Variants in PHF14 observed in about 807,000 individuals in gnomAD.
PHF14 encodes PHD finger protein 14.
In PHF14, 55 loss-of-function variants were observed where a neutral mutation model predicts 117.9. The ratio of observed to expected loss-of-function variants is 0.47; its 90% CI spans 0.38 to 0.58. The LOEUF (loss-of-function observed/expected upper bound fraction) is 0.58, where lower values mean the gene tolerates loss of function less well. PHF14 is among the 20% of genes least tolerant of loss of function. The pLI, the probability that PHF14 is intolerant of heterozygous loss-of-function variation, is 0.00. For missense variants in PHF14, 978 were observed against 1,122.2 expected, an observed-to-expected ratio of 0.87 and a Z score of 1.84; for synonymous variants, 409 against 368.6, an observed-to-expected ratio of 1.11 and a Z score of -1.26.
At chr7:10,985,057 T>A (rs1384077326) in intron 3 of PHF14, among the ~76,000 whole-genome samples, 1 of 152,198 alleles carries the variant, frequency 6.6e-6, no homozygotes, top group Non-Finnish European at 1.5e-5. Context: ...AGTTTTTTGA[T>A]GATTTTAGTT....
At chr7:11,157,419 A>C (rs943362764) in intron 17 of PHF14, among the ~76,000 whole-genome samples, 2 of 152,128 alleles carry the variant, frequency 1.3e-5, no homozygotes, top group African/African-American at 4.8e-5. Flanking sequence ...TGATTGCCAA[A>C]TATTTTTACT....
intron 6 of PHF14, among the ~76,000 whole-genome samples, chr7:11,026,108 T>TTAAAA (rs1562426593): frequency 7.9e-6 from 1 of 126,066 alleles, no homozygotes; most frequent in South Asian, 2.3e-4. Context: ...TGAGACTCCA[T>TTAAAA]CAAAAAAAAA....
chr7:11,111,090 A>C (rs544007424), intron 16 of PHF14: 23 of 333,858 alleles, frequency 6.9e-5, no homozygotes, highest in African/African-American at 4.9e-4. Flanking sequence ...ATATGCTCTT[A>C]ATATTTCTAC....
intron 17 of PHF14, among the ~76,000 whole-genome samples, chr7:11,146,477 T>C (rs1401456326): frequency 6.6e-6 from 1 of 152,192 alleles, no homozygotes; most frequent in Non-Finnish European, 1.5e-5. Context: ...TCCATGTCTC[T>C]CTTTTTCACC....
chr7:11,061,701 T>G, intron 14 of PHF14, 90 bp from the exon 15 acceptor site: 1 of 1,026,980 alleles, frequency 9.7e-7, no homozygotes, highest in Non-Finnish European at 1.3e-6. Context: ...AGCAATAACA[T>G]TTAACAGAGG....
intron 17 of PHF14, among the ~76,000 whole-genome samples, chr7:11,118,893 T>C (rs1583480101): frequency 6.6e-6 from 1 of 151,870 alleles, no homozygotes; most frequent in Non-Finnish European, 1.5e-5. Flanking sequence ...TGTCAGTGTT[T>C]ATGATACACA....
At chr7:10,985,537 C>G (rs746066232) in intron 3 of PHF14, among the ~76,000 whole-genome samples, 1 of 150,466 alleles carries the variant, frequency 6.6e-6, no homozygotes. Context: ...TTTAGCAGGG[C>G]CCTTTTATAA....
chr7:11,009,792 A>T (rs914368121), intron 4 of PHF14, among the ~76,000 whole-genome samples: 3 of 152,226 alleles, frequency 2.0e-5, no homozygotes, highest in African/African-American at 7.2e-5. Flanking sequence ...GAAAAAATAC[A>T]TACAGACTTG....
chr7:11,046,823 C>A (rs926117365), intron 13 of PHF14, among the ~76,000 whole-genome samples: 1 of 151,842 alleles, frequency 6.6e-6, no homozygotes, highest in African/African-American at 2.4e-5. Context: ...TCAAGACTTT[C>A]CTCTAAATAC....
chr7:11,036,949 C>T, intron 9 of PHF14, 36 bp from the exon 10 acceptor site: 1 of 1,360,502 alleles, frequency 7.4e-7, no homozygotes, highest in Non-Finnish European at 1.0e-6. Context: ...GTTTTTACTT[C>T]CTACTAAAGT....
chr7:11,117,109 T>G (rs779777612), intron 17 of PHF14, among the ~76,000 whole-genome samples: 19 of 152,094 alleles, frequency 1.2e-4, no homozygotes, highest in Non-Finnish European at 2.7e-4. Flanking sequence ...TTAAAAGTGC[T>G]TCCTCCAGGT....
At chr7:11,158,112 T>C (rs1315587770) in intron 17 of PHF14, among the ~76,000 whole-genome samples, 1 of 152,124 alleles carries the variant, frequency 6.6e-6, no homozygotes. Context: ...TTAAATAAAC[T>C]GTAGAATTTA....
chr7:11,152,613 A>G (rs993439203), intron 17 of PHF14, among the ~76,000 whole-genome samples: 2 of 152,186 alleles, frequency 1.3e-5, no homozygotes, highest in Admixed American at 1.3e-4. Flanking sequence ...AAAGGCTACA[A>G]TATGATAGGA....
chr7:11,103,064 C>A (rs1787143570), intron 16 of PHF14: 1 of 978,356 alleles, frequency 1.0e-6, no homozygotes, highest in South Asian at 4.7e-5. Context: ...ATATGAAGTA[C>A]TGCATTGTAA....
At chr7:11,122,342 T>C (rs1394979258) in intron 17 of PHF14, among the ~76,000 whole-genome samples, 3 of 89,128 alleles carry the variant, frequency 3.4e-5, no homozygotes, top group Non-Finnish European at 6.1e-5. Context: ...TATATATATA[T>C]ATATATATAT....
chr7:11,144,917 T>C (rs911886977), intron 17 of PHF14, among the ~76,000 whole-genome samples: 5 of 151,376 alleles, frequency 3.3e-5, no homozygotes, highest in African/African-American at 4.9e-5. Flanking sequence ...AGACAGGGAG[T>C]AGAATTATGG....
At chr7:11,106,373 C>G in intron 16 of PHF14, 1 of 974,752 alleles carries the variant, frequency 1.0e-6, no homozygotes, top group Non-Finnish European at 1.2e-6. Flanking sequence ...AAGCCCTCCA[C>G]GTTAGTCTTA....
In PHF14 at chr7:11,063,675, T is replaced by A. The variant is rs529802481; in HGVS notation, c.2654+1590T>A. 4.2e-6 allele frequency: 4 copies of A among 947,700 alleles called. No individual in the cohort carries two copies. In the African/African-American group the frequency reaches 7.1e-5, roughly 17 times the overall value. The allele number at this position is 947,700 out of a possible 1,614,324, so 58.7% of individuals were successfully genotyped here. A position where few individuals can be genotyped will look rare whatever the true frequency, so the allele number is the denominator to read the frequency against. On this transcript the variant is annotated intron_variant, in intron 16 of 17. Coordinates refer to ENST00000634607, the MANE Select transcript of PHF14 (RefSeq NM_001007157.2). ...GTTTTTATTAGGTTTTTTGTTTTGC[T>A]TTTGTCATATATTGGAAATTAGGAA...
intron 4 of PHF14, among the ~76,000 whole-genome samples, chr7:10,993,867 G>A (rs1392133107): frequency 2.6e-5 from 4 of 152,048 alleles, no homozygotes; most frequent in East Asian, 1.9e-4. Flanking sequence ...AAATTAATCC[G>A]GCATGGTGGC....
Sources: gnomAD v4.1 joint callset for allele counts (sites outside exome capture counted in the v4.1 genomes callset) on GRCh38, gnomAD v4.1.1 for gene constraint, MANE v1.5 for transcripts, NCBI Gene and HGNC (gene_info 2026-07-23, HGNC 2026-07-21) for gene names.